VPS13B: variants seen among roughly 807,000 people sequenced by gnomAD.
VPS13B encodes intermembrane lipid transfer protein VPS13B.
A neutral mutation model predicts 426.4 loss-of-function variants in VPS13B; 285 were observed. That is an observed-to-expected ratio of 0.67 (90% CI 0.61 to 0.74). The LOEUF is 0.74. Among genes scored for constraint, VPS13B ranks in the 30% least tolerant of loss-of-function variants. VPS13B has a pLI of 0.00. For synonymous variants in VPS13B, 1,676 were observed against 1,676.4 expected (o/e 1.00, Z 0.01); for missense variants, 4,537 against 4,782.6 (o/e 0.95, Z 1.51).
At chr8:99,762,789 G>A (rs1462854873) in intron 39 of VPS13B, among the ~76,000 whole-genome samples, 1 of 151,900 alleles carries the variant, frequency 6.6e-6, no homozygotes, top group Non-Finnish European at 1.5e-5. Flanking sequence ...AATTCATGAG[G>A]GTAGCTATAT....
At chr8:99,356,497 A>G (rs1478514413) in intron 19 of VPS13B, among the ~76,000 whole-genome samples, 1 of 152,058 alleles carries the variant, frequency 6.6e-6, no homozygotes, top group East Asian at 1.9e-4. Context: ...AATTTTAAAA[A>G]ATTAGCTGGG....
intron 33 of VPS13B, among the ~76,000 whole-genome samples, chr8:99,616,282 A>G (rs759289348): frequency 4.6e-5 from 7 of 152,210 alleles, no homozygotes; most frequent in Non-Finnish European, 7.3e-5. Context: ...ATGCCAGATA[A>G]TAAAGGAATT....
At chr8:99,716,971 T>C (rs1052412659) in intron 36 of VPS13B, among the ~76,000 whole-genome samples, 200 bp from the exon 37 acceptor site, 2 of 152,212 alleles carry the variant, frequency 1.3e-5, no homozygotes, top group African/African-American at 4.8e-5. Context: ...AAATATTACT[T>C]TGTTAGGAAT....
At chr8:99,312,135 G>A (rs1458620425) in intron 19 of VPS13B, among the ~76,000 whole-genome samples, 2 of 152,132 alleles carry the variant, frequency 1.3e-5, no homozygotes, top group Non-Finnish European at 2.9e-5. Flanking sequence ...TTGCCAGTGT[G>A]TGTCTTTTAA....
chr8:99,352,875 G>A (rs983725122), intron 19 of VPS13B, among the ~76,000 whole-genome samples: 7 of 151,704 alleles, frequency 4.6e-5, no homozygotes, highest in Non-Finnish European at 1.0e-4. Flanking sequence ...CTTTTCCAAA[G>A]GGCAAATTGT....
chr8:99,254,641 TTTTATTTA>T (rs1053383360), intron 17 of VPS13B, among the ~76,000 whole-genome samples: 2 of 151,312 alleles, frequency 1.3e-5, no homozygotes, highest in Admixed American at 1.3e-4. Flanking sequence ...TTTTATTATA[TTTTATTTA>T]TTTATTTATT....
At chr8:99,452,809 G>A (rs138290381) in intron 23 of VPS13B, among the ~76,000 whole-genome samples, 2 of 152,178 alleles carry the variant, frequency 1.3e-5, no homozygotes, top group African/African-American at 4.8e-5. Context: ...TTCAATTGCT[G>A]TGGAAAGGGA....
chr8:99,427,801 G>A (rs1488741168), intron 21 of VPS13B, among the ~76,000 whole-genome samples: 3 of 151,796 alleles, frequency 2.0e-5, no homozygotes, highest in Non-Finnish European at 4.4e-5. Context: ...AAGTTCATAT[G>A]GAACCAAAAA....
chr8:99,853,357 G>T, intron 55 of VPS13B, 94 bp from the exon 56 acceptor site: 1 of 1,262,514 alleles, frequency 7.9e-7, no homozygotes, highest in South Asian at 1.3e-5. Flanking sequence ...GTCCCATCAG[G>T]AGGTATTTAA....
intron 35 of VPS13B, among the ~76,000 whole-genome samples, chr8:99,662,426 A>G (rs1830270754): frequency 6.6e-6 from 1 of 151,008 alleles, no homozygotes; most frequent in South Asian, 2.1e-4. Flanking sequence ...TTCTTCCTTA[A>G]GAATTTTATT....
chr8:99,606,196 G>A (rs1273688414), intron 33 of VPS13B, among the ~76,000 whole-genome samples: 1 of 152,062 alleles, frequency 6.6e-6, no homozygotes, highest in Non-Finnish European at 1.5e-5. Flanking sequence ...ATGTCCAGCA[G>A]CCCGGGCTGA....
In VPS13B at chr8:99,301,702, A is replaced by G. The variant is rs554839403; in HGVS notation, c.2824+26448A>G. On this transcript the variant is annotated intron_variant, in intron 19 of 61. Coordinates refer to ENST00000357162, the MANE Select transcript of VPS13B (RefSeq NM_152564.5). Reference sequence around the variant, plus strand: ...TATATCAAAGGTATTTATGTAAGATAAGGCAGAACTTAGAGTCCTTGTTTC... The same window carrying G: ...TATATCAAAGGTATTTATGTAAGATGAGGCAGAACTTAGAGTCCTTGTTTC... Among the ~76,000 whole-genome samples the G allele has an allele frequency of 3.3e-5, 5 of 152,352 alleles. No individual in the cohort carries two copies. In the South Asian group the frequency reaches 1.0e-3, roughly 32 times the overall value.
intron 19 of VPS13B, among the ~76,000 whole-genome samples, chr8:99,307,015 G>T (rs1820674702): frequency 6.6e-6 from 1 of 152,098 alleles, no homozygotes; most frequent in African/African-American, 2.4e-5. Flanking sequence ...GATTAAACAA[G>T]TATTACTACA....
At chr8:99,777,066 A>G (rs1354737183) in intron 41 of VPS13B, 110 bp downstream of exon 41, 3 of 1,404,228 alleles carry the variant, frequency 2.1e-6, no homozygotes, top group Non-Finnish European at 1.0e-6. Context: ...TTCAGGAAGT[A>G]TAAAGCGAGC....
At chr8:99,282,695 G>C (rs966270466) in intron 19 of VPS13B, among the ~76,000 whole-genome samples, 2 of 151,738 alleles carry the variant, frequency 1.3e-5, no homozygotes, top group African/African-American at 4.8e-5. Flanking sequence ...TTTTTACTAA[G>C]GTAAGAAAAA....
intron 14 of VPS13B, among the ~76,000 whole-genome samples, chr8:99,156,032 G>T (rs1811341212): frequency 1.3e-5 from 2 of 152,128 alleles, no homozygotes; most frequent in South Asian, 4.1e-4. Flanking sequence ...AGGACTTTAT[G>T]AGCCCTTAAC....
chr8:99,015,215 A>ATTTT (rs35213007), intron 2 of VPS13B, among the ~76,000 whole-genome samples: 2 of 127,904 alleles, frequency 1.6e-5, no homozygotes, highest in Admixed American at 1.7e-4. Flanking sequence ...TAACAGCTCA[A>ATTTT]TTTTTTTTTT....
At chr8:99,780,869 A>T (rs181245753) in intron 42 of VPS13B, among the ~76,000 whole-genome samples, 7 of 152,296 alleles carry the variant, frequency 4.6e-5, no homozygotes, top group African/African-American at 1.7e-4. Flanking sequence ...TATTGAGTTC[A>T]TTGTTTCTAA....
intron 56 of VPS13B, among the ~76,000 whole-genome samples, chr8:99,854,479 G>A (rs1016932375): frequency 3.3e-5 from 5 of 152,238 alleles, no homozygotes; most frequent in Admixed American, 6.5e-5. Flanking sequence ...TTTCCTCATC[G>A]ATAAAATGGC....
Sources: gnomAD v4.1 joint callset for allele counts (sites outside exome capture counted in the v4.1 genomes callset) on GRCh38, gnomAD v4.1.1 for gene constraint, MANE v1.5 for transcripts, NCBI Gene and HGNC (gene_info 2026-07-23, HGNC 2026-07-21) for gene names.